PIK3C2G: variants seen among roughly 807,000 people sequenced by gnomAD.
PIK3C2G encodes the protein phosphatidylinositol-4-phosphate 3-kinase catalytic subunit type 2 gamma, also known as phosphatidylinositol 3-kinase C2 domain-containing subunit gamma.
A neutral mutation model predicts 181.1 loss-of-function variants in PIK3C2G; 168 were observed. The observed-to-expected ratio is 0.93, with a 90% CI of 0.82 to 1.05. PIK3C2G has a LOEUF of 1.05. Among genes scored for constraint, PIK3C2G ranks in the 50% least tolerant of loss-of-function variants. PIK3C2G has a pLI of 0.00. For synonymous variants in PIK3C2G, 573 were observed against 592.2 expected (o/e 0.97, Z 0.47); for missense variants, 1,869 against 1,732.8 (o/e 1.08, Z -1.40).
At chr12:18,362,395 T>C (rs2137802539) in intron 11 of PIK3C2G, among the ~76,000 whole-genome samples, 1 of 152,290 alleles carries the variant, frequency 6.6e-6, no homozygotes, top group Admixed American at 6.5e-5. Flanking sequence ...TTCTTTCTGA[T>C]CATGCCACAC....
intron 18 of PIK3C2G, among the ~76,000 whole-genome samples, chr12:18,447,838 G>A (rs1947114759): frequency 6.6e-6 from 1 of 152,092 alleles, no homozygotes; most frequent in Admixed American, 6.6e-5. Flanking sequence ...GAGTAATATT[G>A]AAAATGTTAA....
chr12:18,653,919 A>G, the PIK3C2G span, among the ~76,000 whole-genome samples: 773 of 152,286 alleles, frequency 5.1e-3, 8 homozygotes, highest in African/African-American at 0.018. Context: ...AGCAATTTAA[A>G]GGACTATACC....
intron 18 of PIK3C2G, among the ~76,000 whole-genome samples, chr12:18,467,549 T>C (rs984167583): frequency 1.3e-5 from 2 of 151,836 alleles, no homozygotes; most frequent in African/African-American, 4.8e-5. Context: ...CAAGAACCAA[T>C]GTAAGACAAG....
intron 29 of PIK3C2G, among the ~76,000 whole-genome samples, chr12:18,573,747 A>G (rs1265509969): frequency 6.6e-6 from 1 of 152,134 alleles, no homozygotes; most frequent in Non-Finnish European, 1.5e-5. Context: ...TGGTTTTAAG[A>G]GATAGCTGCC....
intron 5 of PIK3C2G, among the ~76,000 whole-genome samples, chr12:18,308,177 A>G (rs1056361233): frequency 5.9e-4 from 90 of 151,990 alleles, no homozygotes; most frequent in African/African-American, 2.1e-3. Context: ...TGGTAAAACG[A>G]GTAGTTCACA....
intron 26 of PIK3C2G, 74 bp from the exon 27 acceptor site, chr12:18,562,629 G>C (rs1270528366): frequency 3.3e-6 from 3 of 907,056 alleles, no homozygotes; most frequent in Non-Finnish European, 5.1e-6. Flanking sequence ...ACAAACACAA[G>C]GAAACAGATC....
At chr12:18,324,812 T>C (rs1951262800) in intron 7 of PIK3C2G, among the ~76,000 whole-genome samples, 2 of 152,230 alleles carry the variant, frequency 1.3e-5, no homozygotes, top group African/African-American at 4.8e-5. Flanking sequence ...ATGAATTCTT[T>C]GGAGTTCTAA....
intron 18 of PIK3C2G, among the ~76,000 whole-genome samples, chr12:18,425,801 A>G (rs1945773146): frequency 6.6e-6 from 1 of 152,242 alleles, no homozygotes; most frequent in Admixed American, 6.5e-5. Flanking sequence ...AAGGGTAGAT[A>G]AATACCATGT....
chr12:18,635,254 C>T (rs1162568568), intron 31 of PIK3C2G, among the ~76,000 whole-genome samples: 3 of 152,208 alleles, frequency 2.0e-5, no homozygotes, highest in East Asian at 1.9e-4. Flanking sequence ...TATGAGGCCA[C>T]GGGCGCAGTC....
intron 16 of PIK3C2G, among the ~76,000 whole-genome samples, chr12:18,407,113 T>A (rs1312076588): frequency 1.3e-5 from 2 of 152,108 alleles, no homozygotes; most frequent in Non-Finnish European, 2.9e-5. Context: ...TATGAGAGCA[T>A]TCAATAAATG....
the PIK3C2G span, chr12:18,696,003 C>T: frequency 3.7e-6 from 2 of 538,474 alleles, no homozygotes; most frequent in Non-Finnish European, 6.7e-6. Flanking sequence ...TCTTACAACA[C>T]ATGACCCACC....
chr12:18,391,355 C>T (rs1943521000), intron 15 of PIK3C2G, 103 bp downstream of exon 15: 3 of 783,538 alleles, frequency 3.8e-6, no homozygotes, highest in Admixed American at 3.3e-5. Context: ...TTCCTTCCTA[C>T]ATAACTGGTT....
At position 18,362,897 on chromosome 12, in the gene PIK3C2G, T is replaced by C. The variant is rs1266426115; in HGVS notation, c.1748+11T>C. The C allele has an allele frequency of 1.3e-6, 2 of 1,487,806 alleles. No individual in the cohort carries two copies. The highest frequency in any genetic ancestry group is 4.6e-5 in the Admixed American group (2 of 43,400). 92.2% of individuals were successfully genotyped at this position (1,487,806 alleles called of 1,614,324 possible). Reference sequence around the variant, plus strand: ...CAACTGGAATGAAACGTAAGTTTAATCTTTACTGTATCTGGATCATTTATG... The same window carrying C: ...CAACTGGAATGAAACGTAAGTTTAACCTTTACTGTATCTGGATCATTTATG... On this transcript the variant is annotated intron_variant, in intron 12 of 32. Transcript: ENST00000538779.
Position 18,566,967 on chromosome 12 carries a change from C to A in PIK3C2G, c.3921C>A (p.His1307Gln). The change falls in exon 29 of 33, where the codon CAC becomes CAA. Residue 1307 changes from histidine (H) to glutamine (Q), a missense_variant. Physicochemically the swap from His to Gln is conservative, Grantham distance 24. Coordinates refer to ENST00000538779, the MANE Select transcript of PIK3C2G (RefSeq NM_001288772.2). ...LTLPEFPHWWHLPFTNSDHRR... is the reference protein window; with the variant it reads ...LTLPEFPHWWQLPFTNSDHRR... ...AAAACAGGTTTCCTCATTGGTGGCA[C>A]CTACCTTTTACAAATTCAGATCACA... 1 of 1,594,972 alleles carries A rather than the reference C, an allele frequency of 6.3e-7. No homozygotes were observed. Among genetic ancestry groups the A allele is most frequent in the Middle Eastern group, 1.7e-4 (1 of 6,032 alleles).
the PIK3C2G span, chr12:18,705,164 A>G: frequency 5.0e-6 from 8 of 1,613,956 alleles, no homozygotes; most frequent in Non-Finnish European, 6.8e-6. Flanking sequence ...AAAAAATGTT[A>G]CCTCTGGTGA....
At chr12:18,491,346 C>A in intron 19 of PIK3C2G, 105 bp from the exon 20 acceptor site, 1 of 647,226 alleles carries the variant, frequency 1.5e-6, no homozygotes, top group Non-Finnish European at 2.7e-6. Context: ...AGTGTGTAAC[C>A]CTGAATTCAA....
At chr12:18,251,959 T>C (rs1178144181) in intron 1 of PIK3C2G, among the ~76,000 whole-genome samples, 1 of 152,132 alleles carries the variant, frequency 6.6e-6, no homozygotes, top group Non-Finnish European at 1.5e-5. Context: ...TATTTTTAAA[T>C]GTGTAAATGA....
Position 18,440,094 on chromosome 12 carries a change from C to A in PIK3C2G, c.2504+16055C>A, listed in dbSNP as rs143235170. The stretch of plus-strand genomic sequence containing the variant: ...TTACAGGACTCATTTTTCTCAGGCA[C>A]TAAAAATTAGAATAATAATATTTAC... On this transcript the variant is annotated intron_variant, in intron 18 of 32. Transcript: ENST00000538779. Among the ~76,000 whole-genome samples the A allele has an allele frequency of 4.7e-4, 71 of 152,040 alleles. 3 individuals are homozygous for A. The highest frequency in any genetic ancestry group is 4.3e-3 in the Admixed American group (66 of 15,242).
chr12:18,652,933 CAG>C (rs1369632207), downstream of PIK3C2G, among the ~76,000 whole-genome samples: 8 of 149,974 alleles, frequency 5.3e-5, no homozygotes, highest in East Asian at 2.0e-4. Flanking sequence ...CTGTCTCACA[CAG>C]AGAGAGAGAG....
Sources: gnomAD v4.1 joint callset for allele counts (sites outside exome capture counted in the v4.1 genomes callset) on GRCh38, gnomAD v4.1.1 for gene constraint, MANE v1.5 for transcripts, NCBI Gene and HGNC (gene_info 2026-07-23, HGNC 2026-07-21) for gene names.